Variants in SESTD1 observed in about 807,000 individuals in gnomAD.
SESTD1 encodes the protein SEC14 and spectrin domain containing 1.
A neutral mutation model predicts 101.7 loss-of-function variants in SESTD1; 43 were observed. The observed-to-expected ratio is 0.42, with a 90% CI of 0.33 to 0.55. The LOEUF (loss-of-function observed/expected upper bound fraction) is 0.55. Ranked by LOEUF, SESTD1 falls within the 20% of genes least tolerant of loss-of-function variation. The pLI is 0.07. For missense variants in SESTD1, 647 were observed against 815.1 expected (o/e 0.79, Z 2.51); for synonymous variants, 283 against 286.8 (o/e 0.99, Z 0.13).
rs1221389361 is a variant in SESTD1 at position 179,202,698 on chromosome 2, T to A, written c.-25-10832A>T. On this transcript the variant is annotated intron_variant, in intron 1 of 17. Transcript: ENST00000428443. Reference sequence around the variant, plus strand: ...AACGGCTTTAAAAAACAAAACTTTATCTTCTAGAATTCAACAGTTTCACTT... The same window carrying A: ...AACGGCTTTAAAAAACAAAACTTTAACTTCTAGAATTCAACAGTTTCACTT... Among the ~76,000 whole-genome samples, 4 of 135,212 alleles carry A rather than the reference T, an allele frequency of 3.0e-5. 2 individuals carry two copies. Among genetic ancestry groups the A allele is most frequent in the African/African-American group, 1.2e-4 (4 of 34,200 alleles). The allele number at this position is 135,212 out of a possible 152,430, so 88.7% of individuals were successfully genotyped here. A position where few individuals can be genotyped will look rare whatever the true frequency, so the allele number is the denominator to read the frequency against.
At chr2:179,112,968 T>TA in intron 16 of SESTD1, 123 bp from the exon 17 acceptor site, 1 of 1,317,714 alleles carries the variant, frequency 7.6e-7, no homozygotes, top group Non-Finnish European at 1.0e-6. Context: ...ATCAAGCTCA[T>TA]ACAAATTTGG....
chr2:179,228,216 T>C (rs1291159332), intron 1 of SESTD1, among the ~76,000 whole-genome samples: 1 of 152,172 alleles, frequency 6.6e-6, no homozygotes, highest in African/African-American at 2.4e-5. Context: ...ATGTCACGGA[T>C]GTATGTGTCT....
At chr2:179,242,401 A>G (rs1057476462) in intron 1 of SESTD1, among the ~76,000 whole-genome samples, 1 of 152,336 alleles carries the variant, frequency 6.6e-6, no homozygotes, top group East Asian at 1.9e-4. Context: ...AAAGCAATCT[A>G]CAGATTTAAT....
chr2:179,177,307 T>C (rs943900234), intron 3 of SESTD1, among the ~76,000 whole-genome samples: 1 of 152,196 alleles, frequency 6.6e-6, no homozygotes, highest in African/African-American at 2.4e-5. Context: ...TTATTATTAT[T>C]GTGTTTACTT....
chr2:179,101,953 G>C lies in SESTD1; in HGVS notation c.*7946C>G, dbSNP rs2044283509. 1 of 152,120 alleles carries C rather than the reference G, an allele frequency of 6.6e-6. No homozygotes were observed. Among genetic ancestry groups the C allele is most frequent in the South Asian group, 2.1e-4 (1 of 4,822 alleles). The allele number at this position is 152,120 out of a possible 1,614,324, so 9.4% of individuals were successfully genotyped here. On this transcript the variant is annotated 3_prime_UTR_variant, in exon 18 of 18. Coordinates refer to ENST00000428443, the MANE Select transcript of SESTD1 (RefSeq NM_178123.5). ...TAAGGCTTGCCAATTTCCAAAGTCTGGCAGTCCAAAATCCTTAGTAGCCAT... is the reference window on the plus strand; with the variant it reads ...TAAGGCTTGCCAATTTCCAAAGTCTCGCAGTCCAAAATCCTTAGTAGCCAT...
At chr2:179,219,913 G>A (rs532758747) in intron 1 of SESTD1, among the ~76,000 whole-genome samples, 2 of 152,142 alleles carry the variant, frequency 1.3e-5, no homozygotes. Flanking sequence ...AAGTTTCACC[G>A]AATAATATCA....
At chr2:179,169,544 C>T (rs1234687184) in intron 5 of SESTD1, among the ~76,000 whole-genome samples, 1 of 152,076 alleles carries the variant, frequency 6.6e-6, no homozygotes, top group Non-Finnish European at 1.5e-5. Flanking sequence ...GCAGACACAA[C>T]ATTACCATGG....
intron 9 of SESTD1, among the ~76,000 whole-genome samples, chr2:179,132,699 C>CAA (rs1348786189): frequency 6.6e-6 from 1 of 152,130 alleles, no homozygotes; most frequent in Admixed American, 6.6e-5. Flanking sequence ...TGGAATGCTT[C>CAA]TATAAAAGAG....
chr2:179,117,720 C>A, intron 13 of SESTD1, 107 bp from the exon 14 acceptor site: 1 of 788,366 alleles, frequency 1.3e-6, no homozygotes. Flanking sequence ...AATACTTAGT[C>A]CTAAACAATG....
intron 10 of SESTD1, among the ~76,000 whole-genome samples, chr2:179,127,878 T>TGTCA (rs1159085828): frequency 1.3e-5 from 2 of 152,256 alleles, no homozygotes. Flanking sequence ...AAATTATCAC[T>TGTCA]GTCATGCTCT....
chr2:179,143,787 G>C lies in SESTD1; in HGVS notation c.654C>G (p.Ser218=), dbSNP rs747960256. ...TVLQTGHELL[S]ELQQRRFNGS... ...CATTAAATCGACGCTGCTGTAATTC[G>C]GACAACAATTCATGCCCTTTACAAA... The change falls in exon 9 of 18, where the codon TCC becomes TCG. Residue 218 remains serine, a synonymous_variant. Coordinates refer to ENST00000428443, the MANE Select transcript of SESTD1 (RefSeq NM_178123.5). 1.2e-6 allele frequency: 2 copies of C among 1,613,002 alleles called. No individual in the cohort carries two copies. The highest frequency in any genetic ancestry group is 1.7e-6 in the Non-Finnish European group (2 of 1,179,624).
intron 17 of SESTD1, among the ~76,000 whole-genome samples, chr2:179,110,368 G>A (rs930702888): frequency 2.0e-5 from 3 of 152,256 alleles, no homozygotes; most frequent in South Asian, 4.1e-4. Flanking sequence ...ACAGGTACTT[G>A]AGTGCTACCG....
chr2:179,128,728 AAAAAAAAAAAAAAG>A (rs1168631186), intron 10 of SESTD1, among the ~76,000 whole-genome samples: 3 of 117,766 alleles, frequency 2.5e-5, no homozygotes, highest in Non-Finnish European at 6.0e-5. Context: ...ACACTGTCTC[AAAAAAAAAAAAAAG>A]AAAAGAAAAA....
At chr2:179,233,976 T>C (rs1261565093) in intron 1 of SESTD1, among the ~76,000 whole-genome samples, 1 of 152,304 alleles carries the variant, frequency 6.6e-6, no homozygotes, top group East Asian at 1.9e-4. Flanking sequence ...TGTCCAGGTA[T>C]TTGGTTAAAC....
intron 1 of SESTD1, among the ~76,000 whole-genome samples, chr2:179,197,791 G>A (rs371129044): frequency 3.3e-5 from 5 of 151,980 alleles, no homozygotes; most frequent in Admixed American, 6.6e-5. Context: ...GCCTGCCCTA[G>A]AAGAGCTCTT....
intron 1 of SESTD1, among the ~76,000 whole-genome samples, chr2:179,219,092 C>T (rs968685292): frequency 3.0e-4 from 46 of 151,902 alleles, no homozygotes; most frequent in African/African-American, 9.4e-4. Flanking sequence ...CCCAAGATCC[C>T]GCAGCTACAT....
At chr2:179,219,842 G>A (rs1462448429) in intron 1 of SESTD1, among the ~76,000 whole-genome samples, 1 of 152,074 alleles carries the variant, frequency 6.6e-6, no homozygotes, top group East Asian at 1.9e-4. Flanking sequence ...TTTTAAAAGG[G>A]CTTTCACCAA....
At chr2:179,132,501 C>A in intron 9 of SESTD1, 75 bp from the exon 10 acceptor site, 3 of 1,501,756 alleles carry the variant, frequency 2.0e-6, no homozygotes, top group South Asian at 1.3e-5. Context: ...CTTATTTTTC[C>A]CCTCCCAAAG....
chr2:179,174,248 G>C (rs1371985170), intron 4 of SESTD1, among the ~76,000 whole-genome samples: 1 of 152,184 alleles, frequency 6.6e-6, no homozygotes, highest in Non-Finnish European at 1.5e-5. Context: ...GGAGATGAAA[G>C]CAATGAATGA....
Sources: gnomAD v4.1 joint callset for allele counts (sites outside exome capture counted in the v4.1 genomes callset) on GRCh38, gnomAD v4.1.1 for gene constraint, MANE v1.5 for transcripts, NCBI Gene and HGNC (gene_info 2026-07-23, HGNC 2026-07-21) for gene names.